Variants in LIN28B observed in about 807,000 individuals in gnomAD.
LIN28B encodes the protein protein lin-28 homolog B.
Under a neutral mutation model 21.9 loss-of-function variants are expected in LIN28B, and 5 were observed. The observed-to-expected ratio is 0.23, with a 90% CI of 0.12 to 0.48. The LOEUF (loss-of-function observed/expected upper bound fraction) is 0.48, where lower values mean the gene tolerates loss of function less well. Among genes scored for constraint, LIN28B ranks in the 20% least tolerant of loss-of-function variants. The probability of loss-of-function intolerance (pLI) is 0.98; values close to 1 mark genes in which losing one functional copy is unlikely to be tolerated. For missense variants in LIN28B, 245 were observed against 310.5 expected, an observed-to-expected ratio of 0.79 and a Z score of 1.58; for synonymous variants, 109 against 111.3, an observed-to-expected ratio of 0.98 and a Z score of 0.13.
intron 2 of LIN28B, among the ~76,000 whole-genome samples, chr6:104,969,155 T>G (rs899741243): frequency 1.3e-5 from 2 of 152,214 alleles, no homozygotes; most frequent in Non-Finnish European, 2.9e-5. Flanking sequence ...TTGATTAAAC[T>G]GTGCGTTAGA....
At chr6:105,041,159 G>A (rs911685420) in intron 3 of LIN28B, among the ~76,000 whole-genome samples, 2 of 151,680 alleles carry the variant, frequency 1.3e-5, no homozygotes, top group Non-Finnish European at 2.9e-5. Flanking sequence ...CAATCCTCCC[G>A]CCTCAGCCTC....
chr6:104,974,265 C>A (rs1423505823), intron 2 of LIN28B, among the ~76,000 whole-genome samples: 1 of 151,886 alleles, frequency 6.6e-6, no homozygotes, highest in Non-Finnish European at 1.5e-5. Flanking sequence ...TCGAGGTGGG[C>A]AGATCACCAT....
At chr6:105,058,092 G>GA in intron 3 of LIN28B, 1 of 411,362 alleles carries the variant, frequency 2.4e-6, no homozygotes. Context: ...CTCCTGGCTT[G>GA]ACGGTGCATT....
chr6:105,063,343 C>A (rs924879091), intron 3 of LIN28B, among the ~76,000 whole-genome samples: 1 of 152,138 alleles, frequency 6.6e-6, no homozygotes, highest in African/African-American at 2.4e-5. Context: ...TTATAAAAAA[C>A]ACTGTCCCAA....
chr6:104,962,549 A>G (rs1473882544), intron 2 of LIN28B, among the ~76,000 whole-genome samples: 2 of 152,190 alleles, frequency 1.3e-5, no homozygotes, highest in Non-Finnish European at 2.9e-5. Context: ...GAGTTAAAGC[A>G]TTAACAGTAT....
intron 3 of LIN28B, among the ~76,000 whole-genome samples, chr6:105,048,342 A>G (rs1771815645): frequency 1.3e-5 from 2 of 152,154 alleles, no homozygotes. Context: ...CATATGTTGA[A>G]CCAGCCTTGC....
intron 2 of LIN28B, among the ~76,000 whole-genome samples, chr6:105,020,258 C>G (rs1771110708): frequency 6.6e-6 from 1 of 151,564 alleles, no homozygotes; most frequent in Admixed American, 6.6e-5. Flanking sequence ...TTACAGGCAT[C>G]AGCCACTGCA....
In LIN28B at chr6:104,988,807, G is replaced by A. The variant is rs193296677; in HGVS notation, c.198+30521G>A. Among the ~76,000 whole-genome samples, 180 of 152,250 alleles carry A rather than the reference G, an allele frequency of 1.2e-3. 1 individual carries two copies. The highest frequency in any genetic ancestry group is 2.1e-3 in the Non-Finnish European group (140 of 68,012). On this transcript the variant is annotated intron_variant, in intron 2 of 3. Transcript: ENST00000345080. ...TTGGCCAGGCTGTTCTCAAACTCCT[G>A]ACCTCAGGTGATCCACCTGCCTTGG...
At chr6:105,047,285 C>T (rs1243836203) in intron 3 of LIN28B, among the ~76,000 whole-genome samples, 1 of 152,110 alleles carries the variant, frequency 6.6e-6, no homozygotes, top group Non-Finnish European at 1.5e-5. Flanking sequence ...ATCCTTTCCC[C>T]ATTTCTTGTT....
At chr6:105,065,969 C>T (rs1052527867) in intron 3 of LIN28B, among the ~76,000 whole-genome samples, 2 of 152,128 alleles carry the variant, frequency 1.3e-5, no homozygotes, top group African/African-American at 2.4e-5. Context: ...CCTAGAAGTT[C>T]GAGACCAGCC....
At chr6:104,982,623 C>T (rs77190404) in intron 2 of LIN28B, among the ~76,000 whole-genome samples, 15 of 152,230 alleles carry the variant, frequency 9.9e-5, no homozygotes, top group African/African-American at 3.4e-4. Context: ...TTGACCACCC[C>T]TCCCATTTTG....
At chr6:105,075,163 G>A (rs1462717692) in intron 3 of LIN28B, among the ~76,000 whole-genome samples, 2 of 152,202 alleles carry the variant, frequency 1.3e-5, no homozygotes, top group African/African-American at 2.4e-5. Flanking sequence ...GGTCTTTTGT[G>A]TGAGACTATG....
chr6:104,957,101 A>G (rs1158169433), upstream of LIN28B: 2 of 1,555,766 alleles, frequency 1.3e-6, no homozygotes, highest in African/African-American at 2.7e-5. Flanking sequence ...GAGGAGAGAA[A>G]AAAATCAAAA....
intron 3 of LIN28B, among the ~76,000 whole-genome samples, chr6:104,951,727 A>G (rs1778223426): frequency 6.6e-6 from 1 of 152,230 alleles, no homozygotes; most frequent in South Asian, 2.1e-4. Context: ...GGTTATTTCT[A>G]GAGATTACAT....
intron 2 of LIN28B, among the ~76,000 whole-genome samples, chr6:104,978,688 C>T (rs912025182): frequency 6.6e-6 from 1 of 151,992 alleles, no homozygotes; most frequent in Non-Finnish European, 1.5e-5. Context: ...GGACTAACCA[C>T]ACAAGGTGAA....
chr6:105,022,063 A>G lies in LIN28B; in HGVS notation c.199-4235A>G, dbSNP rs114504521. On this transcript the variant is annotated intron_variant, in intron 2 of 3. Transcript: ENST00000345080. Reference sequence around the variant, plus strand: ...AAGATTATGAAGGATCTCACCTACAACCTAAGAGCAGAATTGTAGATTTTT... The same window carrying G: ...AAGATTATGAAGGATCTCACCTACAGCCTAAGAGCAGAATTGTAGATTTTT... Among the ~76,000 whole-genome samples the G allele has an allele frequency of 7.2e-3, 1,089 of 151,980 alleles. 10 individuals carry two copies. The highest frequency in any genetic ancestry group is 0.024 in the African/African-American group (1,006 of 41,332).
chr6:104,990,302 A>G (rs1770434131), intron 2 of LIN28B, among the ~76,000 whole-genome samples: 2 of 151,672 alleles, frequency 1.3e-5, no homozygotes, highest in East Asian at 3.9e-4. Context: ...ATAGCGTTTT[A>G]CATATATTTA....
At position 105,080,349 on chromosome 6, in the gene LIN28B, G is replaced by A. The variant is rs941908082; in HGVS notation, c.*1566G>A. 2 of 152,632 alleles carry A rather than the reference G, an allele frequency of 1.3e-5. No homozygotes were observed. The highest frequency in any genetic ancestry group is 1.9e-4 in the East Asian group (1 of 5,202). 9.5% of individuals were successfully genotyped at this position (152,632 alleles called of 1,614,324 possible). A position where few individuals can be genotyped will look rare whatever the true frequency, so the allele number is the denominator to read the frequency against. On this transcript the variant is annotated 3_prime_UTR_variant, in exon 4 of 4. Transcript: ENST00000345080. The stretch of plus-strand genomic sequence containing the variant: ...AATTATAATGTATGGGCCTGTTGGT[G>A]TAAGCTCAGATAATTAAATAAAAAT...
chr6:104,953,143 C>G (rs1337105640), upstream of LIN28B, among the ~76,000 whole-genome samples: 1 of 152,174 alleles, frequency 6.6e-6, no homozygotes, highest in Non-Finnish European at 1.5e-5. Flanking sequence ...AGAGATCTTG[C>G]CAGGGGCAGA....
Sources: allele counts gnomAD v4.1 joint callset (sites outside exome capture counted in the v4.1 genomes callset), GRCh38; gene constraint gnomAD v4.1.1; transcripts MANE v1.5; gene names NCBI Gene and HGNC (gene_info 2026-07-23, HGNC 2026-07-21).